Variants in PGM2L1 observed in about 807,000 individuals in gnomAD.
The protein encoded by PGM2L1 is phosphoglucomutase 2 like 1, also known as glucose 1,6-bisphosphate synthase.
Under a neutral mutation model 73.4 loss-of-function variants are expected in PGM2L1, and 35 were observed. The ratio of observed to expected loss-of-function variants is 0.48; its 90% CI spans 0.36 to 0.63. PGM2L1 has a LOEUF of 0.63. PGM2L1 is among the 30% of genes least tolerant of loss of function. The probability of loss-of-function intolerance (pLI) is 0.00; values close to 1 mark genes in which losing one functional copy is unlikely to be tolerated. For missense variants in PGM2L1, 570 were observed against 742.0 expected, an observed-to-expected ratio of 0.77 and a Z score of 2.69; for synonymous variants, 225 against 253.8, an observed-to-expected ratio of 0.89 and a Z score of 1.08.
intron 1 of PGM2L1, among the ~76,000 whole-genome samples, chr11:74,386,863 A>G (rs188625426): frequency 1.3e-5 from 2 of 152,338 alleles, no homozygotes; most frequent in Non-Finnish European, 2.9e-5. Context: ...ATTCCTAGAT[A>G]TGCCTTGGTT....
rs1433793785 is a variant in PGM2L1 at position 74,345,487 on chromosome 11, T to C, written c.1200A>G (p.Lys400=). 2.5e-6 allele frequency: 4 copies of C among 1,611,130 alleles called. No individual in the cohort carries two copies. The highest frequency in any genetic ancestry group is 1.7e-5 in the Admixed American group (1 of 59,892). ...SSKILKAIAL[K]EGFHFEETLP... ...TTCTTACTTCAAAATGAAATCCTTC[T>C]TTAAGTGCAATTGCCTTCAGAATTT... The change falls in exon 9 of 14, where the codon AAA becomes AAG. Residue 400 remains lysine, a synonymous_variant. Transcript: ENST00000298198.
At chr11:74,376,120 T>C (rs1245623063) in intron 1 of PGM2L1, among the ~76,000 whole-genome samples, 1 of 152,218 alleles carries the variant, frequency 6.6e-6, no homozygotes, top group African/African-American at 2.4e-5. Context: ...TTTTGGCCCA[T>C]AGATTTCTGT....
chr11:74,366,850 C>A (rs1232885005), intron 5 of PGM2L1, among the ~76,000 whole-genome samples: 1 of 152,168 alleles, frequency 6.6e-6, no homozygotes, highest in South Asian at 2.1e-4. Context: ...GAATAAGAAG[C>A]CACTGAAGAA....
At chr11:74,340,598 C>G (rs918673187) in intron 12 of PGM2L1, among the ~76,000 whole-genome samples, 9 of 152,176 alleles carry the variant, frequency 5.9e-5, no homozygotes, top group African/African-American at 2.2e-4. Context: ...GGCTAATAAT[C>G]ATCACAACAA....
rs1272041113 is a variant in PGM2L1 at position 74,336,714 on chromosome 11, C to G, written c.1807G>C (p.Asp603His). ...TGAAGAAAATTCTCTATCAGAGCATCAATGAGTTTCTTCAGTTCTTCCTCC... is the reference window on the plus strand; with the variant it reads ...TGAAGAAAATTCTCTATCAGAGCATGAATGAGTTTCTTCAGTTCTTCCTCC... ...LLEEELKKLI[D>H]ALIENFLQPS... The change falls in exon 14 of 14, where the codon GAT (aspartate) becomes CAT (histidine). Residue 603 changes from aspartate (D) to histidine (H), a missense_variant. Physicochemically the swap from Asp to His is moderately conservative, Grantham distance 81. Transcript: ENST00000298198. The G allele has an allele frequency of 1.9e-6, 3 of 1,612,922 alleles. No homozygotes were observed. In the South Asian group the frequency reaches 3.3e-5, roughly 18 times the overall value.
At chr11:74,350,883 A>G (rs557282369) in intron 6 of PGM2L1, among the ~76,000 whole-genome samples, 99 of 144,052 alleles carry the variant, frequency 6.9e-4, no homozygotes, top group Middle Eastern at 7.0e-3. Context: ...GTCTCAAAAA[A>G]AAGGAAAGAA....
At chr11:74,384,065 A>G (rs1025454085) in intron 1 of PGM2L1, among the ~76,000 whole-genome samples, 7 of 151,792 alleles carry the variant, frequency 4.6e-5, no homozygotes, top group African/African-American at 9.7e-5. Context: ...AGAGATTCCA[A>G]TGAATAGCAT....
At chr11:74,350,452 C>T (rs1862331916) in intron 6 of PGM2L1, among the ~76,000 whole-genome samples, 1 of 152,118 alleles carries the variant, frequency 6.6e-6, no homozygotes. Flanking sequence ...TGTTTAACAG[C>T]TTTTTTGAGA....
intron 1 of PGM2L1, among the ~76,000 whole-genome samples, chr11:74,376,949 T>C (rs1170504583): frequency 6.6e-6 from 1 of 152,210 alleles, no homozygotes; most frequent in Non-Finnish European, 1.5e-5. Flanking sequence ...AATTTAGATG[T>C]TGATGTTATA....
intron 5 of PGM2L1, among the ~76,000 whole-genome samples, chr11:74,360,457 C>G (rs1419441710): frequency 6.6e-6 from 1 of 151,968 alleles, no homozygotes; most frequent in East Asian, 1.9e-4. Context: ...AGGAACAGCT[C>G]CAGTCTACAG....
At chr11:74,397,744 GA>G (rs1420394018) in intron 1 of PGM2L1, 342 of 93,496 alleles carry the variant, frequency 3.7e-3, no homozygotes, top group African/African-American at 0.016. Flanking sequence ...CAATGATGAT[GA>G]TTTTTTTTTT....
At chr11:74,386,204 A>T (rs1863015633) in intron 1 of PGM2L1, among the ~76,000 whole-genome samples, 1 of 152,144 alleles carries the variant, frequency 6.6e-6, no homozygotes, top group South Asian at 2.1e-4. Flanking sequence ...AACTCAATAG[A>T]AAAGCTAGCA....
chr11:74,369,182 T>C (rs1415135613), intron 4 of PGM2L1, among the ~76,000 whole-genome samples: 3 of 152,136 alleles, frequency 2.0e-5, no homozygotes, highest in African/African-American at 7.2e-5. Context: ...AGGGTGTCAG[T>C]GATTGGTCAC....
chr11:74,362,848 G>A (rs1862587733), intron 5 of PGM2L1, among the ~76,000 whole-genome samples: 1 of 152,094 alleles, frequency 6.6e-6, no homozygotes, highest in Non-Finnish European at 1.5e-5. Flanking sequence ...AAGTTAACAA[G>A]GATAGCCAGG....
intron 1 of PGM2L1, among the ~76,000 whole-genome samples, chr11:74,395,202 A>T (rs1348777504): frequency 6.6e-6 from 1 of 152,102 alleles, no homozygotes; most frequent in East Asian, 1.9e-4. Context: ...AAGGATACTT[A>T]TTACTTGCCC....
chr11:74,355,194 G>A, intron 5 of PGM2L1: 1 of 1,436,492 alleles, frequency 7.0e-7, no homozygotes, highest in Non-Finnish European at 9.7e-7. Flanking sequence ...ATTTGGTAAT[G>A]ATGGAAGCAA....
chr11:74,369,282 G>C (rs1181633662), intron 4 of PGM2L1, among the ~76,000 whole-genome samples: 1 of 152,122 alleles, frequency 6.6e-6, no homozygotes, highest in Non-Finnish European at 1.5e-5. Flanking sequence ...ACATGACAGT[G>C]TACAAAAATG....
chr11:74,374,620 A>G, intron 1 of PGM2L1, 38 bp from the exon 2 acceptor site: 1 of 1,576,644 alleles, frequency 6.3e-7, no homozygotes, highest in Non-Finnish European at 8.7e-7. Flanking sequence ...CCAGGAATCC[A>G]AGCAGAGTCC....
intron 1 of PGM2L1, 39 bp downstream of exon 1, chr11:74,398,012 G>A (rs1393230425): frequency 1.3e-6 from 2 of 1,568,724 alleles, no homozygotes; most frequent in Non-Finnish European, 1.7e-6. Flanking sequence ...GACTGTGTGG[G>A]GGAGGCGACG....
Sources: gnomAD v4.1 joint callset for allele counts (sites outside exome capture counted in the v4.1 genomes callset) on GRCh38, gnomAD v4.1.1 for gene constraint, MANE v1.5 for transcripts, NCBI Gene and HGNC (gene_info 2026-07-23, HGNC 2026-07-21) for gene names.